SCEL: variants seen among roughly 807,000 people sequenced by gnomAD.
SCEL encodes sciellin.
SCEL carries 113 observed loss-of-function variants against 117.6 expected under a neutral mutation model. That is an observed-to-expected ratio of 0.96 (90% CI 0.83 to 1.12). The LOEUF (loss-of-function observed/expected upper bound fraction) is 1.12. Among genes scored for constraint, SCEL ranks in the 50% most tolerant of loss-of-function variants. The probability of loss-of-function intolerance (pLI) is 0.00; values close to 1 mark genes in which losing one functional copy is unlikely to be tolerated. For synonymous variants in SCEL, 270 were observed against 256.2 expected (o/e 1.05, Z -0.51); for missense variants, 785 against 810.8 (o/e 0.97, Z 0.39).
At chr13:77,555,988 T>C in intron 2 of SCEL, 70 bp downstream of exon 2, 3 of 1,124,304 alleles carry the variant, frequency 2.7e-6, no homozygotes, top group Non-Finnish European at 4.1e-6. Context: ...CAGATCTCAA[T>C]TCTTTAATAC....
intron 12 of SCEL, among the ~76,000 whole-genome samples, chr13:77,594,250 C>T (rs1173628524): frequency 6.6e-6 from 1 of 152,208 alleles, no homozygotes; most frequent in Non-Finnish European, 1.5e-5. Context: ...ATCCACATTG[C>T]CCATTCAATG....
At chr13:77,585,037 A>G (rs1329393429) in intron 9 of SCEL, among the ~76,000 whole-genome samples, 3 of 152,252 alleles carry the variant, frequency 2.0e-5, no homozygotes, top group East Asian at 3.8e-4. Context: ...GAATTCTCCT[A>G]TGAGGAAGCT....
chr13:77,620,938 A>G lies in SCEL; in HGVS notation c.1628+2878A>G, dbSNP rs1256436545. On this transcript the variant is annotated intron_variant, in intron 27 of 32. Transcript: ENST00000349847. ...CCTAACTATCTATTGCATATTTTTC[A>G]TATTTCTGTTAACATAAACTTGGGG... 2.6e-5 allele frequency among the ~76,000 whole-genome samples: 4 copies of G among 152,154 alleles called. 1 individual carries two copies. Among genetic ancestry groups the G allele is most frequent in the Non-Finnish European group, 5.9e-5 (4 of 68,006 alleles).
intron 13 of SCEL, 52 bp downstream of exon 13, chr13:77,597,641 T>C: frequency 9.7e-7 from 1 of 1,032,602 alleles, no homozygotes; most frequent in South Asian, 1.5e-5. Context: ...ATTGTGACTT[T>C]TTATGCCTTT....
chr13:77,570,183 T>C (rs1257147176), intron 8 of SCEL, among the ~76,000 whole-genome samples: 2 of 152,218 alleles, frequency 1.3e-5, no homozygotes, highest in African/African-American at 2.4e-5. Context: ...TCAATGTTTG[T>C]TGATGGACTG....
At chr13:77,602,210 T>G (rs955809529) in intron 16 of SCEL, 86 bp downstream of exon 16, 130 of 1,113,668 alleles carry the variant, frequency 1.2e-4, no homozygotes, top group Non-Finnish European at 1.6e-4. Context: ...TATGCTTTCC[T>G]TTGTGGCAGT....
At chr13:77,626,911 C>G (rs963146648) in intron 27 of SCEL, among the ~76,000 whole-genome samples, 13 of 151,910 alleles carry the variant, frequency 8.6e-5, no homozygotes, top group African/African-American at 3.1e-4. Flanking sequence ...AAACAGTGCT[C>G]CTACCCTATT....
intron 9 of SCEL, among the ~76,000 whole-genome samples, chr13:77,582,887 A>T (rs2086345986): frequency 6.6e-6 from 1 of 152,102 alleles, no homozygotes; most frequent in Non-Finnish European, 1.5e-5. Flanking sequence ...TTTTGAGTAG[A>T]CTCGTTAGTA....
intron 10 of SCEL, among the ~76,000 whole-genome samples, chr13:77,590,286 AT>A: frequency 6.6e-6 from 1 of 152,202 alleles, no homozygotes. Flanking sequence ...GATCTTTGAA[AT>A]TTTGTCCATA....
intron 9 of SCEL, among the ~76,000 whole-genome samples, chr13:77,581,109 T>C (rs2086239699): frequency 6.6e-6 from 1 of 152,228 alleles, no homozygotes; most frequent in Non-Finnish European, 1.5e-5. Context: ...AAGCAATACA[T>C]CTTATTTTTA....
chr13:77,539,075 T>C (rs1311465219), intron 1 of SCEL, among the ~76,000 whole-genome samples: 1 of 152,166 alleles, frequency 6.6e-6, no homozygotes, highest in Admixed American at 6.5e-5. Flanking sequence ...TGTGTAAAAG[T>C]TTAAAAGAAA....
chr13:77,570,527 T>G (rs1300200806), intron 8 of SCEL, among the ~76,000 whole-genome samples: 4 of 152,236 alleles, frequency 2.6e-5, no homozygotes, highest in Admixed American at 2.0e-4. Flanking sequence ...TTCCTTACAT[T>G]GAGCTGGAAT....
chr13:77,610,635 C>T (rs543473172), intron 22 of SCEL, among the ~76,000 whole-genome samples: 1 of 152,128 alleles, frequency 6.6e-6, no homozygotes. Flanking sequence ...AGATTGTGTT[C>T]CATGCTGAGG....
At chr13:77,570,703 G>C (rs2085548350) in intron 8 of SCEL, among the ~76,000 whole-genome samples, 1 of 152,086 alleles carries the variant, frequency 6.6e-6, no homozygotes, top group Non-Finnish European at 1.5e-5. Flanking sequence ...TGATCTTTCT[G>C]CTTAGCAATT....
Position 77,562,167 on chromosome 13 carries a change from C to G in SCEL, c.222-1664C>G, listed in dbSNP as rs552889933. ...TCCCTGCTTCCACAGAACTTGCATC[C>G]TAGTTGAAAGTGAGGGAGGGGAGAG... On this transcript the variant is annotated intron_variant, in intron 4 of 32. Coordinates refer to ENST00000349847, the MANE Select transcript of SCEL (RefSeq NM_144777.3). Among the ~76,000 whole-genome samples the G allele has an allele frequency of 2.0e-5, 3 of 152,190 alleles. No homozygotes were observed. The South Asian group carries it at 6.2e-4, about 32-fold the overall frequency.
rs115551533 is a variant in SCEL, at chr13:77,589,800, C to G, written c.626+576C>G. Reference sequence around the variant, plus strand: ...TTGAAAGATGTTCTAATTGACTTGTCTCTGAATCAGGAAAAATAGACTTGC... The same window carrying G: ...TTGAAAGATGTTCTAATTGACTTGTGTCTGAATCAGGAAAAATAGACTTGC... On this transcript the variant is annotated intron_variant, in intron 10 of 32. Coordinates refer to ENST00000349847, the MANE Select transcript of SCEL (RefSeq NM_144777.3). Among the ~76,000 whole-genome samples the G allele has an allele frequency of 4.4e-3, 664 of 152,206 alleles. 3 individuals carry two copies. Among genetic ancestry groups the G allele is most frequent in the African/African-American group, 0.015 (622 of 41,558 alleles).
At chr13:77,629,889 A>T (rs956534684) in intron 28 of SCEL, among the ~76,000 whole-genome samples, 96 of 152,298 alleles carry the variant, frequency 6.3e-4, no homozygotes, top group Admixed American at 5.0e-3. Context: ...TTGAGCATGC[A>T]TTCCTTCCTT....
Position 77,617,857 on chromosome 13 carries a change from T to G in SCEL, c.1566T>G (p.Asn522Lys), listed in dbSNP as rs755429090. The G allele has an allele frequency of 9.9e-6, 16 of 1,609,454 alleles. No homozygotes were observed. In the African/African-American group the frequency reaches 1.2e-4, roughly 12 times the overall value. The stretch of plus-strand genomic sequence containing the variant: ...TAAATCCTGCAGTAATCAGAAACAA[T>G]CAGAGGTATATATAGAAGCAGTCAA... ...IKVNPAVIRN[N>K]QSQDLDNLIK... The change falls in exon 26 of 33, where the codon AAT (asparagine) becomes AAG (lysine). Residue 522 changes from asparagine to lysine, a missense_variant. Physicochemically the swap from Asn to Lys is moderately conservative, Grantham distance 94. Coordinates refer to ENST00000349847, the MANE Select transcript of SCEL (RefSeq NM_144777.3).
At chr13:77,612,724 T>A (rs1307439521) in intron 22 of SCEL, among the ~76,000 whole-genome samples, 167 bp from the exon 23 acceptor site, 1 of 152,006 alleles carries the variant, frequency 6.6e-6, no homozygotes, top group Non-Finnish European at 1.5e-5. Flanking sequence ...TACAAATGTA[T>A]GCAGGAAATG....
Sources: allele counts gnomAD v4.1 joint callset (sites outside exome capture counted in the v4.1 genomes callset), GRCh38; gene constraint gnomAD v4.1.1; transcripts MANE v1.5; gene names NCBI Gene and HGNC (gene_info 2026-07-23, HGNC 2026-07-21).